Variants in BRMS1 observed in about 807,000 individuals in gnomAD.
The protein encoded by BRMS1 is BRMS1 transcriptional repressor and anoikis regulator, also known as breast cancer metastasis-suppressor 1.
BRMS1 carries 26 observed loss-of-function variants against 40.4 expected under a neutral mutation model. The observed-to-expected ratio is 0.64, with a 90% CI of 0.47 to 0.89. BRMS1 has a LOEUF of 0.89. Among genes scored for constraint, BRMS1 ranks in the 40% least tolerant of loss-of-function variants. The pLI, the probability that BRMS1 is intolerant of heterozygous loss-of-function variation, is 0.00. For synonymous variants in BRMS1, 103 were observed against 116.0 expected (o/e 0.89, Z 0.72); for missense variants, 289 against 309.4 (o/e 0.93, Z 0.49).
Position 66,340,783 on chromosome 11 carries a change from G to A in BRMS1, c.526C>T (p.Leu176Phe), listed in dbSNP as rs770936650. 6.2e-7 allele frequency: 1 copy of A among 1,612,074 alleles called. No homozygotes were observed. Among genetic ancestry groups the A allele is most frequent in the Admixed American group, 1.7e-5 (1 of 60,000 alleles). Residue 176 changes from leucine (L) to phenylalanine (F), a missense_variant, in exon 6 of 10, where the codon CTC becomes TTC. Leu to Phe is a conservative substitution (Grantham distance 22, BLOSUM62 0). Coordinates refer to ENST00000359957, the MANE Select transcript of BRMS1 (RefSeq NM_015399.4). Reference sequence around the variant, plus strand: ...AGGCTCTCGCGCTTACCAGAGCTGAGGTCCAGGCTCTGGCGGTCCTCCTCC... The same window carrying A: ...AGGCTCTCGCGCTTACCAGAGCTGAAGTCCAGGCTCTGGCGGTCCTCCTCC... ...RLEEDRQSLD[L>F]SSEWWDDKLH...
rs188771254 is a variant in BRMS1 at position 66,340,084 on chromosome 11, C to A, written c.628+37G>T. 607 of 1,589,622 alleles carry A rather than the reference C, an allele frequency of 3.8e-4. 4 individuals are homozygous for A. The African/African-American group carries it at 7.6e-3, about 20-fold the overall frequency. ...CTGGGTCTGGAGTTGACCCTTACAT[C>A]CTGCCCACTTTTAGGCCACCTTGGG... On this transcript the variant is annotated intron_variant, in intron 7 of 9. Coordinates refer to ENST00000359957, the MANE Select transcript of BRMS1 (RefSeq NM_015399.4).
chr11:66,338,712 G>T lies in BRMS1; in HGVS notation c.693+9C>A. The stretch of plus-strand genomic sequence containing the variant: ...TGGGGCAGGTCACGTGGGCAGCAGC[G>T]GCCCCCACCTTTTTGATGGCTGTCC... On this transcript the variant is annotated intron_variant, in intron 8 of 9. Coordinates refer to ENST00000359957, the MANE Select transcript of BRMS1 (RefSeq NM_015399.4). The T allele has an allele frequency of 6.2e-7, 1 of 1,609,946 alleles. No individual in the cohort carries two copies. The highest frequency in any genetic ancestry group is 8.5e-7 in the Non-Finnish European group (1 of 1,177,422).
chr11:66,337,944 G>A (rs953654179), intron 9 of BRMS1, 55 bp from the exon 10 acceptor site: 3 of 1,569,450 alleles, frequency 1.9e-6, no homozygotes, highest in Middle Eastern at 1.7e-4. Context: ...TGAAAGGAAG[G>A]AGGCAGCCAC....
intron 8 of BRMS1, 97 bp from the exon 9 acceptor site, chr11:66,338,379 C>T (rs1854983405): frequency 6.5e-7 from 1 of 1,542,774 alleles, no homozygotes; most frequent in Non-Finnish European, 8.8e-7. Flanking sequence ...GCTGTTGCCT[C>T]AGTGCTGTGC....
At chr11:66,342,072 G>GTGTGTA (rs1855098008) in intron 2 of BRMS1, 24 bp downstream of exon 2, 1 of 1,607,606 alleles carries the variant, frequency 6.2e-7, no homozygotes, top group Non-Finnish European at 8.5e-7. Flanking sequence ...GTGTGTGTGT[G>GTGTGTA]TGTCTGTGTG....
Position 66,341,931 on chromosome 11 carries a change from TGTGTGTGC to T in BRMS1, c.139+157_139+164del, listed in dbSNP as rs1454331873. 4.3e-5 allele frequency: 33 copies of T among 759,532 alleles called. No homozygotes were observed. Among genetic ancestry groups the T allele is most frequent in the South Asian group, 2.4e-4 (14 of 58,408 alleles). The allele number at this position is 759,532 out of a possible 1,614,324, so 47.0% of individuals were successfully genotyped here. On this transcript the variant is annotated intron_variant, in intron 2 of 9. Coordinates refer to ENST00000359957, the MANE Select transcript of BRMS1 (RefSeq NM_015399.4). The surrounding 1 kb of genome is among the most constrained non-coding windows in gnomAD (Gnocchi z 4.9). ...TGTGTGCGTGCTTGTGTGTAGGGGCTGTGTGTGCGTGTGTGCGCTTGTGTGCAGGGTCT... is the reference window on the plus strand; with the variant it reads ...TGTGTGCGTGCTTGTGTGTAGGGGCTGTGTGTGCGCTTGTGTGCAGGGTCT...
At position 66,341,339 on chromosome 11, in the gene BRMS1, T is replaced by TTAC; in HGVS notation, c.231-7_231-6insGTA. On this transcript the variant is annotated splice_region_variant and splice_polypyrimidine_tract_variant and intron_variant, in intron 3 of 9. Coordinates refer to ENST00000359957, the MANE Select transcript of BRMS1 (RefSeq NM_015399.4). This position sits in a 1 kb window ranked among gnomAD's most constrained non-coding sequence, Gnocchi z 4.9. ...TCAGTCGTTCCCTGAACAACCTGCG[T>TTAC]GGTAAAAAGGCAGCCGTGCACCCAT... 6.2e-7 allele frequency: 1 copy of TTAC among 1,611,200 alleles called. No individual in the cohort carries two copies. The highest frequency in any genetic ancestry group is 1.1e-5 in the South Asian group (1 of 90,992).
chr11:66,341,473 G>T lies in BRMS1; in HGVS notation c.230+60C>A. The T allele has an allele frequency of 6.2e-7, 1 of 1,603,204 alleles. No homozygotes were observed. ...ACCAACCACGCCTGCCCAGTACCAG[G>T]CCCACCACCTCCTCATCCCAGATCC... On this transcript the variant is annotated intron_variant, in intron 3 of 9. Transcript: ENST00000359957. This position sits in a 1 kb window ranked among gnomAD's most constrained non-coding sequence, Gnocchi z 4.9.
Position 66,340,784 on chromosome 11 carries a change from G to T in BRMS1, c.525C>A (p.Asp175Glu). ...GGCTCTCGCGCTTACCAGAGCTGAG[G>T]TCCAGGCTCTGGCGGTCCTCCTCCA... ...QRLEEDRQSL[D>E]LSSEWWDDKL... The change falls in exon 6 of 10, where the codon GAC (aspartate) becomes GAA (glutamate). Residue 175 changes from aspartate to glutamate, a missense_variant. Transcript: ENST00000359957. The T allele has an allele frequency of 6.2e-7, 1 of 1,611,952 alleles. No homozygotes were observed.
intron 8 of BRMS1, 183 bp downstream of exon 8, chr11:66,338,538 T>A (rs970769744): frequency 1.0e-5 from 14 of 1,362,538 alleles, no homozygotes; most frequent in Non-Finnish European, 1.3e-5. Flanking sequence ...AGACTAGAAA[T>A]CCCTTTTCCC....
In BRMS1 at chr11:66,337,689, T is replaced by C. The variant is rs932121249; in HGVS notation, c.*193A>G. 6.3e-7 allele frequency: 1 copy of C among 1,586,844 alleles called. No homozygotes were observed. The highest frequency in any genetic ancestry group is 1.1e-5 in the South Asian group (1 of 88,356). On this transcript the variant is annotated 3_prime_UTR_variant, in exon 10 of 10. Coordinates refer to ENST00000359957, the MANE Select transcript of BRMS1 (RefSeq NM_015399.4). Reference sequence around the variant, plus strand: ...CAGGTCAGCTCCACGGCCACAGCTGTGCAGGCCTCGAGGAGGGCAGAGGAG... The same window carrying C: ...CAGGTCAGCTCCACGGCCACAGCTGCGCAGGCCTCGAGGAGGGCAGAGGAG...
In BRMS1 at chr11:66,341,313, C is replaced by T; in HGVS notation, c.251G>A (p.Ser84Asn). The T allele has an allele frequency of 6.2e-7, 1 of 1,613,352 alleles. No homozygotes were observed. Among genetic ancestry groups the T allele is most frequent in the Non-Finnish European group, 8.5e-7 (1 of 1,179,360 alleles). Residue 84 changes from serine (S) to asparagine (N), a missense_variant, in exon 4 of 10, where the codon AGT (serine) becomes AAT (asparagine). Transcript: ENST00000359957. The surrounding 1 kb of genome is among the most constrained non-coding windows in gnomAD (Gnocchi z 4.9). ...TTCCTCCAGCCGCAACCGCAGCTGA[C>T]TCAGTCGTTCCCTGAACAACCTGCG... is the stretch of plus-strand genomic sequence containing the variant. ...LKEKLFRERLSQLRLRLEEVG... is the reference protein window; with the variant it reads ...LKEKLFRERLNQLRLRLEEVG...
In BRMS1 at chr11:66,343,963, A is replaced by G. The variant is rs1474026556; in HGVS notation, c.-8+1009T>C. ...CTAAGAAGAAGAAAACAGTCCTCTC[A>G]GCAGATAATCTCTCAACCTCCTGCA... is the stretch of plus-strand genomic sequence containing the variant. On this transcript the variant is annotated intron_variant, in intron 1 of 9. Transcript: ENST00000359957. Among the ~76,000 whole-genome samples the G allele has an allele frequency of 2.6e-5, 4 of 152,376 alleles. No homozygotes were observed. The South Asian group carries it at 8.3e-4, about 32-fold the overall frequency.
intron 7 of BRMS1, 72 bp from the exon 8 acceptor site, chr11:66,338,857 G>A: frequency 7.0e-7 from 1 of 1,429,490 alleles, no homozygotes; most frequent in Non-Finnish European, 9.5e-7. Context: ...CTGACATTCA[G>A]GAGTGGGGGT....
Position 66,341,435 on chromosome 11 carries a change from G to A in BRMS1, c.230+98C>T, listed in dbSNP as rs552793244. On this transcript the variant is annotated intron_variant, in intron 3 of 9. Coordinates refer to ENST00000359957, the MANE Select transcript of BRMS1 (RefSeq NM_015399.4). This position sits in a 1 kb window ranked among gnomAD's most constrained non-coding sequence, Gnocchi z 4.9. ...CCACAGCAAGCCCGGTGTTAGGCGC[G>A]CACTTCCTGGGCACCAACCACGCCT... 8.8e-6 allele frequency: 14 copies of A among 1,599,504 alleles called. No homozygotes were observed. Among genetic ancestry groups the A allele is most frequent in the Admixed American group, 8.3e-5 (5 of 59,882 alleles).
intron 7 of BRMS1, among the ~76,000 whole-genome samples, chr11:66,339,413 C>T (rs1855014957): frequency 6.6e-6 from 1 of 152,198 alleles, no homozygotes; most frequent in South Asian, 2.1e-4. Flanking sequence ...TGTGGGTACC[C>T]CATGGTAGGG....
At chr11:66,342,263 T>TC (rs1565207244) in intron 1 of BRMS1, 22 bp from the exon 2 acceptor site, 1 of 1,609,754 alleles carries the variant, frequency 6.2e-7, no homozygotes, top group Non-Finnish European at 8.5e-7. Flanking sequence ...AATGGAGCTA[T>TC]CACTTATGGC....
rs1027722053 is a variant in BRMS1 at position 66,341,248 on chromosome 11, C to G, written c.316G>C (p.Gly106Arg). 2 of 1,613,572 alleles carry G rather than the reference C, an allele frequency of 1.2e-6. No homozygotes were observed. The highest frequency in any genetic ancestry group is 1.1e-5 in the South Asian group (1 of 91,078). Residue 106 changes from glycine (G) to arginine (R), a missense_variant, in exon 4 of 10, where the codon GGG (glycine) becomes CGG (arginine). Transcript: ENST00000359957. This position sits in a 1 kb window ranked among gnomAD's most constrained non-coding sequence, Gnocchi z 4.9. ...ATCTTGAGGCTCCGCTGCAGCCCCCCAAGGGGCTCCGTGTATTCAGGGGCT... is the reference window on the plus strand; with the variant it reads ...ATCTTGAGGCTCCGCTGCAGCCCCCGAAGGGGCTCCGTGTATTCAGGGGCT... ...ERAPEYTEPLGGLQRSLKIRI... is the reference protein window; with the variant it reads ...ERAPEYTEPLRGLQRSLKIRI...
intron 1 of BRMS1, 70 bp from the exon 2 acceptor site, chr11:66,342,311 C>A: frequency 6.4e-7 from 1 of 1,567,372 alleles, no homozygotes; most frequent in East Asian, 2.2e-5. Context: ...CAGCAGGATG[C>A]TGAACACAAC....
Sources: allele counts gnomAD v4.1 joint callset (sites outside exome capture counted in the v4.1 genomes callset), GRCh38; gene constraint gnomAD v4.1.1; non-coding constraint Gnocchi (gnomAD v3.1); transcripts MANE v1.5; gene names NCBI Gene and HGNC (gene_info 2026-07-23, HGNC 2026-07-21).